IGSF3: variants seen among roughly 807,000 people sequenced by gnomAD.
IGSF3 encodes glu-Trp-Ile EWI motif-containing protein 3.
In IGSF3, 23 loss-of-function variants were observed where a neutral mutation model predicts 114.4. The ratio of observed to expected loss-of-function variants is 0.20; its 90% CI spans 0.14 to 0.28. The LOEUF (loss-of-function observed/expected upper bound fraction) is 0.28. IGSF3 is among the 10% of genes least tolerant of loss of function. The pLI, the probability that IGSF3 is intolerant of heterozygous loss-of-function variation, is 1.00. For missense variants in IGSF3, 1,172 were observed against 1,591.5 expected, an observed-to-expected ratio of 0.74 and a Z score of 4.48; for synonymous variants, 571 against 645.2, an observed-to-expected ratio of 0.88 and a Z score of 1.74.
chr1:116,643,746 C>T (rs1437703745), intron 2 of IGSF3, among the ~76,000 whole-genome samples: 4 of 152,204 alleles, frequency 2.6e-5, no homozygotes, highest in Non-Finnish European at 5.9e-5. Flanking sequence ...CTTTGACATG[C>T]GACAGATCCT....
At position 116,664,992 on chromosome 1, in the gene IGSF3, G is replaced by A. The variant is rs927330958; in HGVS notation, c.43+1292C>T. Among the ~76,000 whole-genome samples, 4 of 152,212 alleles carry A rather than the reference G, an allele frequency of 2.6e-5. No individual in the cohort carries two copies. Among genetic ancestry groups the A allele is most frequent in the African/African-American group, 4.8e-5 (2 of 41,442 alleles). The stretch of plus-strand genomic sequence containing the variant: ...TCCCCAGTGATTCCAACATGCACAC[G>A]AGAGTTTGAGAACCACTGATTGCAC... On this transcript the variant is annotated intron_variant, in intron 2 of 10. Coordinates refer to ENST00000369486, the MANE Select transcript of IGSF3 (RefSeq NM_001007237.3). This position sits in a 1 kb window ranked among gnomAD's most constrained non-coding sequence, Gnocchi z 4.6.
intron 9 of IGSF3, among the ~76,000 whole-genome samples, chr1:116,581,677 G>C (rs920814308): frequency 6.6e-6 from 1 of 152,176 alleles, no homozygotes; most frequent in African/African-American, 2.4e-5. Context: ...AGTGTGCACT[G>C]CTGGCACAGG....
chr1:116,646,606 G>C (rs570628502), intron 2 of IGSF3, among the ~76,000 whole-genome samples: 1 of 152,156 alleles, frequency 6.6e-6, no homozygotes, highest in Non-Finnish European at 1.5e-5. Context: ...AGGGAGAATC[G>C]AGTGAGTTGT....
intron 5 of IGSF3, chr1:116,606,415 G>A: frequency 6.2e-7 from 1 of 1,605,148 alleles, no homozygotes; most frequent in Admixed American, 1.7e-5. Flanking sequence ...TGGTCTCTTA[G>A]GAGGAAAAGC....
intron 7 of IGSF3, among the ~76,000 whole-genome samples, chr1:116,599,696 AAAC>A (rs1198527585): frequency 6.6e-6 from 1 of 152,190 alleles, no homozygotes; most frequent in Admixed American, 6.5e-5. Flanking sequence ...AATGGCTCAA[AAAC>A]AACAACAAAC....
At chr1:116,646,791 T>A (rs1648395679) in intron 2 of IGSF3, 1 of 152,228 alleles carries the variant, frequency 6.6e-6, no homozygotes, top group Admixed American at 6.5e-5. Context: ...CATGCCTGTG[T>A]TTCAAGTGAT....
At position 116,608,094 on chromosome 1, in the gene IGSF3, C is replaced by G. The variant is rs1166789960; in HGVS notation, c.1070G>C (p.Ser357Thr). The G allele has an allele frequency of 1.9e-6, 3 of 1,613,980 alleles. No homozygotes were observed. In the South Asian group the frequency reaches 3.3e-5, roughly 18 times the overall value. ...GTGGTAGATCTTCAGCACAAAGACA[C>G]TGTCGCTCTCTTTGGCCACCTTAAG... ...GQLKVAKESD[S>T]VFVLKIYHLR... The change falls in exon 5 of 11, where the codon AGT (serine) becomes ACT (threonine). Residue 357 changes from serine (S) to threonine (T), a missense_variant. Ser to Thr is a moderately conservative substitution (Grantham distance 58). Transcript: ENST00000369486.
rs1219602994 is a variant in IGSF3, at chr1:116,615,325, TG to T, written c.421+754del. Among the ~76,000 whole-genome samples, 1 of 151,502 alleles carries T rather than the reference TG, an allele frequency of 6.6e-6. No individual in the cohort carries two copies. The highest frequency in any genetic ancestry group is 1.5e-5 in the Non-Finnish European group (1 of 67,914). On this transcript the variant is annotated intron_variant, in intron 3 of 10. Transcript: ENST00000369486. This position sits in a 1 kb window ranked among gnomAD's most constrained non-coding sequence, Gnocchi z 4.3. The stretch of plus-strand genomic sequence containing the variant: ...CACACACGAAAAAAAAAAGGTCTCC[TG>T]CTGGGACACAGACTAGTTAGAGAAA...
intron 8 of IGSF3, among the ~76,000 whole-genome samples, chr1:116,586,771 T>C (rs547796789): frequency 6.6e-6 from 1 of 152,008 alleles, no homozygotes; most frequent in South Asian, 2.1e-4. Flanking sequence ...GTGGGGGTGA[T>C]CATGTTCTTT....
intron 2 of IGSF3, among the ~76,000 whole-genome samples, chr1:116,641,519 AGAAG>A (rs1648098909): frequency 1.4e-5 from 2 of 140,828 alleles, no homozygotes; most frequent in African/African-American, 5.4e-5. Context: ...AAAAAAAAAA[AGAAG>A]AAGAAAGAAA....
At chr1:116,641,543 AGAAAGAAAAAGAAAGAAG>A (rs1369747177) in intron 2 of IGSF3, among the ~76,000 whole-genome samples, 16 of 140,476 alleles carry the variant, frequency 1.1e-4, no homozygotes, top group Admixed American at 5.9e-4. Flanking sequence ...AAGAAAAGAA[AGAAAGAAAAAGAAAGAAG>A]GAAAGAAAGA....
rs778095679 is a variant in IGSF3, at chr1:116,608,149, C to T, written c.1015G>A (p.Glu339Lys). 5.6e-6 allele frequency: 9 copies of T among 1,613,608 alleles called. No individual in the cohort carries two copies. The highest frequency in any genetic ancestry group is 4.5e-5 in the East Asian group (2 of 44,888). The change falls in exon 5 of 11, where the codon GAA (glutamate) becomes AAA (lysine). Residue 339 changes from glutamate to lysine, a missense_variant. Transcript: ENST00000369486. ...GPNAVPVLNS[E>K]FAHREARGQL... Reference sequence around the variant, plus strand: ...CCCCTGGCTTCCCGGTGAGCAAATTCGCTGTTGAGGACAGGCACAGCGTTA... The same window carrying T: ...CCCCTGGCTTCCCGGTGAGCAAATTTGCTGTTGAGGACAGGCACAGCGTTA...
At chr1:116,606,210 G>A (rs142310611) in intron 5 of IGSF3, among the ~76,000 whole-genome samples, 62 of 152,350 alleles carry the variant, frequency 4.1e-4, no homozygotes, top group African/African-American at 1.1e-3. Context: ...CAGGCTAAGC[G>A]CAGGGCGGTG....
rs933462994 is a variant in IGSF3 at position 116,636,150 on chromosome 1, T to C, written c.44-19693A>G. On this transcript the variant is annotated intron_variant, in intron 2 of 10. Coordinates refer to ENST00000369486, the MANE Select transcript of IGSF3 (RefSeq NM_001007237.3). The surrounding 1 kb of genome is among the most constrained non-coding windows in gnomAD (Gnocchi z 4.5). ...TTTGCCAGTCATCAAACAAAGCCTCTTGTCTCCTGAGAGCCGCTCCACAAT... is the reference window on the plus strand; with the variant it reads ...TTTGCCAGTCATCAAACAAAGCCTCCTGTCTCCTGAGAGCCGCTCCACAAT... Among the ~76,000 whole-genome samples, 2 of 152,172 alleles carry C rather than the reference T, an allele frequency of 1.3e-5. No homozygotes were observed. Among genetic ancestry groups the C allele is most frequent in the African/African-American group, 4.8e-5 (2 of 41,448 alleles).
intron 2 of IGSF3, among the ~76,000 whole-genome samples, chr1:116,659,464 G>GA (rs1034812195): frequency 7.2e-5 from 11 of 152,210 alleles, no homozygotes; most frequent in East Asian, 1.9e-4. Context: ...TCATTTCTTT[G>GA]AAAATCAGGG....
At chr1:116,621,853 A>T (rs1661430334) in intron 2 of IGSF3, among the ~76,000 whole-genome samples, 1 of 152,188 alleles carries the variant, frequency 6.6e-6, no homozygotes, top group Non-Finnish European at 1.5e-5. Context: ...AATACATGAT[A>T]CCACTTAACT....
At position 116,616,944 on chromosome 1, in the gene IGSF3, G is replaced by A. The variant is rs967938950; in HGVS notation, c.44-487C>T. ...GGAGTCCTGGGAGCACCTTTTTACT[G>A]GTGCTGCACCCTTCAATTTCCCATG... On this transcript the variant is annotated intron_variant, in intron 2 of 10. Coordinates refer to ENST00000369486, the MANE Select transcript of IGSF3 (RefSeq NM_001007237.3). This position sits in a 1 kb window ranked among gnomAD's most constrained non-coding sequence, Gnocchi z 6.6. Among the ~76,000 whole-genome samples, 1 of 152,082 alleles carries A rather than the reference G, an allele frequency of 6.6e-6. No individual in the cohort carries two copies. Among genetic ancestry groups the A allele is most frequent in the African/African-American group, 2.4e-5 (1 of 41,382 alleles).
chr1:116,610,826 C>T lies in IGSF3; in HGVS notation c.833-2495G>A, dbSNP rs566592667. On this transcript the variant is annotated intron_variant, in intron 4 of 10. Transcript: ENST00000369486. This position sits in a 1 kb window ranked among gnomAD's most constrained non-coding sequence, Gnocchi z 4.3. ...AGCCCCAGACCCCTGTGTCTGAGGA[C>T]CCACTGGGTGTTTCGCATACTGAGC... Among the ~76,000 whole-genome samples the T allele has an allele frequency of 9.2e-5, 14 of 152,306 alleles. No homozygotes were observed. In the South Asian group the frequency reaches 2.9e-3, roughly 32 times the overall value.
intron 7 of IGSF3, among the ~76,000 whole-genome samples, chr1:116,591,939 A>C (rs1044495607): frequency 6.6e-6 from 1 of 152,360 alleles, no homozygotes; most frequent in African/African-American, 2.4e-5. Flanking sequence ...GTCTATAAAA[A>C]GAGTTTAGCA....
Sources: allele counts gnomAD v4.1 joint callset (sites outside exome capture counted in the v4.1 genomes callset), GRCh38; gene constraint gnomAD v4.1.1; non-coding constraint Gnocchi (gnomAD v3.1); transcripts MANE v1.5; gene names NCBI Gene and HGNC (gene_info 2026-07-23, HGNC 2026-07-21).